Variants in WDR41 observed in about 807,000 individuals in gnomAD.
WDR41 encodes WD repeat-containing protein 41.
WDR41 carries 63 observed loss-of-function variants against 69.3 expected under a neutral mutation model. That is an observed-to-expected ratio of 0.91 (90% CI 0.74 to 1.12). WDR41 has a LOEUF of 1.12. Ranked by LOEUF, WDR41 falls within the 50% of genes most tolerant of loss-of-function variation. WDR41 has a pLI of 0.00. For missense variants in WDR41, 543 were observed against 534.5 expected (o/e 1.02, Z -0.16); for synonymous variants, 185 against 192.1 (o/e 0.96, Z 0.31).
At chr5:77,552,463 C>T (rs1329703143) in intron 1 of WDR41, among the ~76,000 whole-genome samples, 1 of 152,134 alleles carries the variant, frequency 6.6e-6, no homozygotes, top group East Asian at 1.9e-4. Flanking sequence ...GTCAATTCTC[C>T]CCAAATTGGT....
At chr5:77,522,297 C>T (rs1440525344) in intron 1 of WDR41, among the ~76,000 whole-genome samples, 2 of 152,072 alleles carry the variant, frequency 1.3e-5, no homozygotes, top group East Asian at 3.9e-4. Flanking sequence ...GCAGAAAAAG[C>T]CTTGAGGAAG....
rs753621138 is a variant in WDR41 at position 77,459,025 on chromosome 5, G to T, written c.411+37C>A. On this transcript the variant is annotated intron_variant, in intron 5 of 12. Transcript: ENST00000296679. Reference sequence around the variant, plus strand: ...AACCATGTCTTCTGAGACAAAAATAGATTGTCATAAAAACTCATATTTACT... The same window carrying T: ...AACCATGTCTTCTGAGACAAAAATATATTGTCATAAAAACTCATATTTACT... The T allele has an allele frequency of 2.8e-6, 4 of 1,436,268 alleles. No individual in the cohort carries two copies. In the African/African-American group the frequency reaches 5.7e-5, roughly 20 times the overall value. 89.0% of individuals were successfully genotyped at this position (1,436,268 alleles called of 1,614,324 possible).
intron 1 of WDR41, among the ~76,000 whole-genome samples, chr5:77,583,341 T>G (rs1743976624): frequency 6.7e-6 from 1 of 148,654 alleles, no homozygotes; most frequent in South Asian, 2.1e-4. Context: ...ATGGTGAAAC[T>G]CCATCTCTAA....
In WDR41 at chr5:77,453,358, AT is replaced by A. The variant is rs553799590; in HGVS notation, c.523+458del. On this transcript the variant is annotated intron_variant, in intron 6 of 12. Transcript: ENST00000296679. ...TCAAAAAGTCAAAACTGATTTGATTATTTTTTTTCTGTTGAAACCAAAATCG... is the reference window on the plus strand; with the variant it reads ...TCAAAAAGTCAAAACTGATTTGATTATTTTTTTCTGTTGAAACCAAAATCG... 1.4e-4 allele frequency among the ~76,000 whole-genome samples: 21 copies of A among 152,146 alleles called. No individual in the cohort carries two copies. The South Asian group carries it at 1.7e-3, about 12-fold the overall frequency.
chr5:77,593,735 A>G (rs1744171648), intron 1 of WDR41, among the ~76,000 whole-genome samples: 1 of 152,110 alleles, frequency 6.6e-6, no homozygotes, highest in African/African-American at 2.4e-5. Flanking sequence ...GGATTACGTG[A>G]CTTAAGTGAT....
chr5:77,594,752 C>G (rs1580038885), intron 1 of WDR41, among the ~76,000 whole-genome samples: 2 of 152,284 alleles, frequency 1.3e-5, no homozygotes, highest in East Asian at 3.9e-4. Flanking sequence ...GGAAAAAAAG[C>G]TGTTTTTAAT....
At chr5:77,489,413 C>T in intron 2 of WDR41, 44 bp downstream of exon 2, 2 of 1,261,324 alleles carry the variant, frequency 1.6e-6, no homozygotes, top group Non-Finnish European at 2.2e-6. Flanking sequence ...TTCCCTAAAA[C>T]CTCTTCCCAA....
chr5:77,586,566 A>G (rs2112300173), intron 1 of WDR41, among the ~76,000 whole-genome samples: 1 of 152,224 alleles, frequency 6.6e-6, no homozygotes. Flanking sequence ...TTGGCCTCTC[A>G]AAGTGCTGGG....
intron 1 of WDR41, among the ~76,000 whole-genome samples, chr5:77,613,245 A>G (rs1744600792): frequency 6.6e-6 from 1 of 152,196 alleles, no homozygotes; most frequent in African/African-American, 2.4e-5. Flanking sequence ...ATTCAATGCC[A>G]TTCCCATCAA....
chr5:77,531,665 A>T (rs1206107781), intron 1 of WDR41, among the ~76,000 whole-genome samples: 2 of 152,060 alleles, frequency 1.3e-5, no homozygotes, highest in Non-Finnish European at 2.9e-5. Context: ...ACAGGTACTC[A>T]TACGAATATT....
chr5:77,577,193 G>C (rs986251299), intron 1 of WDR41, among the ~76,000 whole-genome samples: 1 of 152,008 alleles, frequency 6.6e-6, no homozygotes, highest in Non-Finnish European at 1.5e-5. Context: ...AGGTCAATCA[G>C]CTAAGTTCTA....
At chr5:77,566,014 A>G (rs978257170) in intron 1 of WDR41, among the ~76,000 whole-genome samples, 2 of 152,180 alleles carry the variant, frequency 1.3e-5, no homozygotes, top group African/African-American at 4.8e-5. Context: ...TGAGGATTTT[A>G]AAATAAAACT....
In WDR41 at chr5:77,478,807, T is replaced by G. The variant is rs1204378907; in HGVS notation, c.167+10650A>C. On this transcript the variant is annotated intron_variant, in intron 2 of 12. Coordinates refer to ENST00000296679, the MANE Select transcript of WDR41 (RefSeq NM_018268.4). ...CTCTCACCACTCCTATTCAACATAG[T>G]GTTGGAAGTTCTGGCCAGGGCAATT... Among the ~76,000 whole-genome samples the G allele has an allele frequency of 1.3e-4, 20 of 151,220 alleles. 1 individual carries two copies. In the East Asian group the frequency reaches 3.1e-3, roughly 24 times the overall value.
rs1169950610 is a variant in WDR41, at chr5:77,486,476, T to C, written c.167+2981A>G. Among the ~76,000 whole-genome samples the C allele has an allele frequency of 3.3e-5, 5 of 152,222 alleles. No individual in the cohort carries two copies. In the South Asian group the frequency reaches 6.2e-4, roughly 19 times the overall value. On this transcript the variant is annotated intron_variant, in intron 2 of 12. Coordinates refer to ENST00000296679, the MANE Select transcript of WDR41 (RefSeq NM_018268.4). ...CAATAGGACTTAGTTACTTCTACCA[T>C]GAGAGGTCAAGTTTATTTACCCACT...
At chr5:77,598,182 G>C (rs987063793) in intron 1 of WDR41, among the ~76,000 whole-genome samples, 2 of 152,094 alleles carry the variant, frequency 1.3e-5, no homozygotes, top group Non-Finnish European at 2.9e-5. Flanking sequence ...GTTGGTATTG[G>C]GCTATCATAC....
rs144727211 is a variant in WDR41, at chr5:77,546,501, C to T, written c.43-56929G>A. On this transcript the variant is annotated intron_variant, in intron 1 of 5. Transcript: ENST00000509971. ...AGGCTGCTATGAACACCTTTACACA[C>T]ATAAACTAGAAAACCTAGAAGAGAT... 9.1e-4 allele frequency among the ~76,000 whole-genome samples: 138 copies of T among 152,174 alleles called. 2 individuals carry two copies. Among genetic ancestry groups the T allele is most frequent in the East Asian group, 6.2e-3 (32 of 5,186 alleles).
intron 1 of WDR41, among the ~76,000 whole-genome samples, chr5:77,536,886 A>G (rs1327436352): frequency 6.6e-6 from 1 of 152,208 alleles, no homozygotes; most frequent in East Asian, 1.9e-4. Flanking sequence ...ATGGATGACT[A>G]TAGTTCAGAA....
In WDR41 at chr5:77,576,960, G is replaced by A. The variant is rs527735870; in HGVS notation, c.42+43519C>T. On this transcript the variant is annotated intron_variant, in intron 1 of 5. Transcript: ENST00000509971. ...ATAATAATAATTTTTAAGTAGGTGG[G>A]TATTGAAAGGATACTGGCATATTTC... 2.6e-5 allele frequency among the ~76,000 whole-genome samples: 4 copies of A among 152,208 alleles called. No individual in the cohort carries two copies. In the East Asian group the frequency reaches 7.7e-4, roughly 29 times the overall value.
chr5:77,500,964 G>C (rs1238996242), intron 1 of WDR41, among the ~76,000 whole-genome samples: 1 of 152,236 alleles, frequency 6.6e-6, no homozygotes, highest in Non-Finnish European at 1.5e-5. Context: ...GATTGACACA[G>C]AAGATGGGTG....
Sources: gnomAD v4.1 joint callset for allele counts (sites outside exome capture counted in the v4.1 genomes callset) on GRCh38, gnomAD v4.1.1 for gene constraint, MANE v1.5 for transcripts, NCBI Gene and HGNC (gene_info 2026-07-23, HGNC 2026-07-21) for gene names.